The following MED27 variants were observed in gnomAD, a reference collection of about 807,000 sequenced individuals.
MED27 encodes mediator of RNA polymerase II transcription subunit 27.
Under a neutral mutation model 38.2 loss-of-function variants are expected in MED27, and 30 were observed. The ratio of observed to expected loss-of-function variants is 0.79; its 90% CI spans 0.59 to 1.07. The LOEUF (loss-of-function observed/expected upper bound fraction) is 1.07, where lower values mean the gene tolerates loss of function less well. Among genes scored for constraint, MED27 ranks in the 50% least tolerant of loss-of-function variants. MED27 has a pLI of 0.00. For missense variants in MED27, 289 were observed against 397.5 expected, an observed-to-expected ratio of 0.73 and a Z score of 2.32; for synonymous variants, 122 against 153.5, an observed-to-expected ratio of 0.79 and a Z score of 1.52.
intron 3 of MED27, among the ~76,000 whole-genome samples, chr9:132,010,583 A>C (rs1832464937): frequency 6.6e-6 from 1 of 152,186 alleles, no homozygotes; most frequent in South Asian, 2.1e-4. Flanking sequence ...ACATGCAAAC[A>C]TATGTTTATT....
intron 4 of MED27, among the ~76,000 whole-genome samples, chr9:131,937,411 T>G (rs1830704056): frequency 6.6e-6 from 1 of 152,014 alleles, no homozygotes; most frequent in African/African-American, 2.4e-5. Context: ...TGGGTGTTAG[T>G]GGTAGTAAAT....
chr9:132,049,852 T>C (rs1033642185), intron 2 of MED27, among the ~76,000 whole-genome samples: 1 of 152,052 alleles, frequency 6.6e-6, no homozygotes, highest in Admixed American at 6.5e-5. Context: ...CAAAGAGAAA[T>C]GGGGGAAATC....
intron 4 of MED27, among the ~76,000 whole-genome samples, chr9:131,923,335 G>C (rs542522295): frequency 1.3e-5 from 2 of 152,044 alleles, no homozygotes; most frequent in Non-Finnish European, 2.9e-5. Context: ...ATTTATTTCC[G>C]TATTTGCTCA....
chr9:132,071,008 G>A (rs570713555), intron 2 of MED27, among the ~76,000 whole-genome samples: 2 of 152,320 alleles, frequency 1.3e-5, no homozygotes, highest in Non-Finnish European at 2.9e-5. Context: ...GCCACTGGAA[G>A]ATGGGCCACC....
intron 4 of MED27, among the ~76,000 whole-genome samples, chr9:131,922,101 G>T (rs955010763): frequency 2.0e-5 from 3 of 151,718 alleles, no homozygotes; most frequent in Non-Finnish European, 2.9e-5. Flanking sequence ...CAGCACACCA[G>T]TGTGGCACAT....
chr9:131,897,125 G>C (rs1394160616), intron 4 of MED27, among the ~76,000 whole-genome samples: 1 of 152,188 alleles, frequency 6.6e-6, no homozygotes, highest in Non-Finnish European at 1.5e-5. Context: ...ATTGCTGCAC[G>C]ACATTCTACT....
intron 6 of MED27, among the ~76,000 whole-genome samples, chr9:131,879,662 A>G (rs767042902): frequency 1.1e-4 from 16 of 152,130 alleles, no homozygotes; most frequent in Non-Finnish European, 2.4e-4. Context: ...CTGCTCCCCA[A>G]TGCACTTCAT....
chr9:132,057,434 C>CG (rs1387790526), intron 2 of MED27, among the ~76,000 whole-genome samples: 1 of 152,206 alleles, frequency 6.6e-6, no homozygotes, highest in Non-Finnish European at 1.5e-5. Flanking sequence ...GAGGCAGCCG[C>CG]GGCAAAGGTC....
Position 131,917,591 on chromosome 9 carries a change from T to C in MED27, c.573+21790A>G, listed in dbSNP as rs1448718961. 1.3e-5 allele frequency among the ~76,000 whole-genome samples: 2 copies of C among 152,134 alleles called. No homozygotes were observed. Among genetic ancestry groups the C allele is most frequent in the African/African-American group, 4.8e-5 (2 of 41,432 alleles). On this transcript the variant is annotated intron_variant, in intron 4 of 7. Transcript: ENST00000292035. The surrounding 1 kb of genome is among the most constrained non-coding windows in gnomAD (Gnocchi z 4.6). ...GCTAGTGTGCAGGGACGAGGTAGGCTGATAGCACATCAGGAAGAATGCATG... is the reference window on the plus strand; with the variant it reads ...GCTAGTGTGCAGGGACGAGGTAGGCCGATAGCACATCAGGAAGAATGCATG...
chr9:132,038,348 C>T (rs527237405), intron 2 of MED27, among the ~76,000 whole-genome samples: 1 of 151,698 alleles, frequency 6.6e-6, no homozygotes, highest in African/African-American at 2.4e-5. Context: ...CCCGCCACTA[C>T]GCCCGGCTAA....
intron 3 of MED27, among the ~76,000 whole-genome samples, chr9:131,961,409 G>C (rs181733935): frequency 1.3e-5 from 2 of 152,126 alleles, no homozygotes; most frequent in Non-Finnish European, 2.9e-5. Context: ...TAATTCAAAG[G>C]TTTCTTTCTT....
chr9:131,907,838 G>C (rs970509660), intron 4 of MED27, among the ~76,000 whole-genome samples: 10 of 134,186 alleles, frequency 7.5e-5, no homozygotes, highest in African/African-American at 2.7e-4. Context: ...GCCGCCCATC[G>C]TCTGAGATGT....
rs1832109974 is a variant in MED27 at position 131,997,210 on chromosome 9, G to A, written c.479+17127C>T. On this transcript the variant is annotated intron_variant, in intron 3 of 7. Transcript: ENST00000292035. This position sits in a 1 kb window ranked among gnomAD's most constrained non-coding sequence, Gnocchi z 4.0. The stretch of plus-strand genomic sequence containing the variant: ...ATAAAGAATTAACTTCCAGCATGCT[G>A]GAGCTTAGCCATCTAGTAATAGTAT... Among the ~76,000 whole-genome samples the A allele has an allele frequency of 6.6e-6, 1 of 152,088 alleles. No individual in the cohort carries two copies. The highest frequency in any genetic ancestry group is 2.1e-4 in the South Asian group (1 of 4,830).
chr9:131,896,916 G>A (rs897189190), intron 4 of MED27, among the ~76,000 whole-genome samples: 3 of 152,088 alleles, frequency 2.0e-5, no homozygotes, highest in Non-Finnish European at 2.9e-5. Flanking sequence ...ATTTTTAGTA[G>A]AGACGGGGTT....
At chr9:132,069,996 G>C (rs933089966) in intron 2 of MED27, among the ~76,000 whole-genome samples, 1 of 152,214 alleles carries the variant, frequency 6.6e-6, no homozygotes, top group Non-Finnish European at 1.5e-5. Context: ...CACCGGCCTA[G>C]GTCCCTCAGA....
intron 3 of MED27, among the ~76,000 whole-genome samples, chr9:131,973,144 CTTTTCT>C (rs1487947694): frequency 6.6e-6 from 1 of 152,178 alleles, no homozygotes; most frequent in African/African-American, 2.4e-5. Flanking sequence ...ACACTTTTTT[CTTTTCT>C]TTTTCTTTTT....
chr9:132,072,620 C>T (rs1220128983), intron 2 of MED27, among the ~76,000 whole-genome samples: 1 of 152,014 alleles, frequency 6.6e-6, no homozygotes. Flanking sequence ...GCAGTCTATA[C>T]TACAGCCAAA....
In MED27 at chr9:131,893,963, G is replaced by C; in HGVS notation, c.603C>G (p.Ile201Met). ...LVTLGKVLKV[I>M]VVMRSLFIDR... ...CAATGAACAGGCTCCGCATGACGAC[G>C]ATCACTTTCAACACCTTTCCCAAGG... The change falls in exon 5 of 8, where the codon ATC becomes ATG. Residue 201 changes from isoleucine (I) to methionine (M), a missense_variant. Coordinates refer to ENST00000292035, the MANE Select transcript of MED27 (RefSeq NM_004269.4). 1 of 1,614,112 alleles carries C rather than the reference G, an allele frequency of 6.2e-7. No individual in the cohort carries two copies. Among genetic ancestry groups the C allele is most frequent in the Non-Finnish European group, 8.5e-7 (1 of 1,180,000 alleles).
At chr9:132,074,684 T>G (rs1834008135) in intron 2 of MED27, among the ~76,000 whole-genome samples, 1 of 152,246 alleles carries the variant, frequency 6.6e-6, no homozygotes. Context: ...GCTTATTTCT[T>G]GAGGCTACTT....
Sources: allele counts gnomAD v4.1 joint callset (sites outside exome capture counted in the v4.1 genomes callset), GRCh38; gene constraint gnomAD v4.1.1; non-coding constraint Gnocchi (gnomAD v3.1); transcripts MANE v1.5; gene names NCBI Gene and HGNC (gene_info 2026-07-23, HGNC 2026-07-21).